TRAPPC9: variants seen among roughly 807,000 people sequenced by gnomAD.
TRAPPC9 encodes the protein trafficking protein particle complex subunit 9, also known as IKK2 binding protein.
TRAPPC9 carries 83 observed loss-of-function variants against 124.0 expected under a neutral mutation model. The ratio of observed to expected loss-of-function variants is 0.67; its 90% CI spans 0.56 to 0.80. The LOEUF (loss-of-function observed/expected upper bound fraction) is 0.80. TRAPPC9 is among the 30% of genes least tolerant of loss of function. TRAPPC9 has a pLI of 0.00. For synonymous variants in TRAPPC9, 638 were observed against 617.5 expected (o/e 1.03, Z -0.49); for missense variants, 1,302 against 1,508.3 (o/e 0.86, Z 2.27).
intron 16 of TRAPPC9, among the ~76,000 whole-genome samples, chr8:140,246,339 G>A (rs903660019): frequency 6.6e-6 from 1 of 152,216 alleles, no homozygotes. Flanking sequence ...GTGAGAAAGT[G>A]TGTTTCAAGA....
chr8:139,948,267 A>G (rs912662608), intron 19 of TRAPPC9, among the ~76,000 whole-genome samples: 44 of 149,040 alleles, frequency 3.0e-4, no homozygotes, highest in African/African-American at 1.0e-3. Flanking sequence ...ACACACACAC[A>G]CACACACACA....
chr8:140,267,508 A>T (rs76010573), intron 15 of TRAPPC9, among the ~76,000 whole-genome samples: 1,612 of 152,350 alleles, frequency 0.011, 29 homozygotes, highest in African/African-American at 0.037. Context: ...GCTGCTAAGG[A>T]TGCAGCAGTG....
intron 17 of TRAPPC9, among the ~76,000 whole-genome samples, chr8:140,088,325 T>C (rs1844335813): frequency 6.6e-6 from 1 of 152,176 alleles, no homozygotes; most frequent in Non-Finnish European, 1.5e-5. Context: ...ATGCAAGAAA[T>C]GTGAAAATCT....
chr8:140,452,581 GCCATAA>G (rs1458794484), intron 1 of TRAPPC9, among the ~76,000 whole-genome samples: 2 of 152,070 alleles, frequency 1.3e-5, no homozygotes, highest in Non-Finnish European at 2.9e-5. Flanking sequence ...TGGGAGAGTT[GCCATAA>G]CCTCTCTGAG....
At chr8:140,415,072 A>C (rs541204454) in intron 5 of TRAPPC9, among the ~76,000 whole-genome samples, 163 of 152,160 alleles carry the variant, frequency 1.1e-3, no homozygotes, top group African/African-American at 3.7e-3. Context: ...TTAGCTGGGT[A>C]TGATGTCATG....
intron 9 of TRAPPC9, among the ~76,000 whole-genome samples, chr8:140,324,779 T>C (rs1039933937): frequency 1.3e-5 from 2 of 152,098 alleles, no homozygotes; most frequent in African/African-American, 4.8e-5. Context: ...CAAAAATAAA[T>C]AAGTGAAATT....
intron 17 of TRAPPC9, among the ~76,000 whole-genome samples, chr8:140,199,907 G>A (rs958240834): frequency 1.3e-5 from 2 of 151,976 alleles, no homozygotes; most frequent in East Asian, 1.9e-4. Flanking sequence ...AAGATAAAAG[G>A]AACTGCATAC....
intron 4 of TRAPPC9, among the ~76,000 whole-genome samples, chr8:140,431,630 G>A (rs533198030): frequency 6.6e-6 from 1 of 152,166 alleles, no homozygotes; most frequent in East Asian, 1.9e-4. Flanking sequence ...TGACTGCCAC[G>A]CTAAACATTT....
chr8:140,375,838 G>A (rs893503134), intron 7 of TRAPPC9, among the ~76,000 whole-genome samples: 1 of 152,200 alleles, frequency 6.6e-6, no homozygotes, highest in South Asian at 2.1e-4. Context: ...AGTGACAGAT[G>A]TGTAGGGGCA....
chr8:139,898,888 G>A (rs1280606684), intron 20 of TRAPPC9, among the ~76,000 whole-genome samples: 4 of 152,090 alleles, frequency 2.6e-5, no homozygotes, highest in Non-Finnish European at 5.9e-5. Flanking sequence ...GGGAGGCTGA[G>A]GTGGGCGGAT....
At chr8:139,736,546 G>C (rs1225549601) in intron 21 of TRAPPC9, among the ~76,000 whole-genome samples, 1 of 152,192 alleles carries the variant, frequency 6.6e-6, no homozygotes, top group African/African-American at 2.4e-5. Flanking sequence ...ACCTTCCTAT[G>C]ACGGGGCAGA....
At chr8:139,809,988 C>T (rs1108526) in intron 21 of TRAPPC9, among the ~76,000 whole-genome samples, 4,575 of 152,256 alleles carry the variant, frequency 0.03, 162 homozygotes, top group East Asian at 0.12. Flanking sequence ...TGCACATCTG[C>T]CTGATGCTAA....
chr8:140,292,833 A>G (rs2065699172), intron 11 of TRAPPC9, among the ~76,000 whole-genome samples: 1 of 147,348 alleles, frequency 6.8e-6, no homozygotes, highest in Non-Finnish European at 1.5e-5. Context: ...AAACACCAAA[A>G]GCAATGGCAA....
At chr8:140,445,345 G>A (rs1588370895) in intron 2 of TRAPPC9, among the ~76,000 whole-genome samples, 2 of 152,336 alleles carry the variant, frequency 1.3e-5, no homozygotes, top group East Asian at 3.9e-4. Context: ...GAGGTCACCT[G>A]CTAATGAGGG....
In TRAPPC9 at chr8:140,440,499, TC is replaced by T. The variant is rs535355900; in HGVS notation, c.585-1303del. ...TCCAGCCTGGGGGACAGGGTGAGAC[TC>T]CCAAAAAAAAAAGAAAAGAAAAGAA... On this transcript the variant is annotated intron_variant, in intron 2 of 22. Transcript: ENST00000438773. Among the ~76,000 whole-genome samples, 33 of 149,794 alleles carry T rather than the reference TC, an allele frequency of 2.2e-4. No individual in the cohort carries two copies. The South Asian group carries it at 2.3e-3, about 11-fold the overall frequency.
chr8:140,377,574 C>T (rs1325241846), intron 7 of TRAPPC9, among the ~76,000 whole-genome samples: 2 of 152,204 alleles, frequency 1.3e-5, no homozygotes, highest in Non-Finnish European at 2.9e-5. Context: ...GGATTACAGG[C>T]ATGAGCCACT....
intron 21 of TRAPPC9, among the ~76,000 whole-genome samples, chr8:139,813,199 C>A (rs1824564375): frequency 6.6e-6 from 1 of 152,224 alleles, no homozygotes; most frequent in Non-Finnish European, 1.5e-5. Context: ...TAGGCCCACT[C>A]TGATGAGGTC....
rs1554419388 is a variant in TRAPPC9, at chr8:139,971,746, T to TACACAC, written c.2810+16979_2810+16980insGTGTGT. Among the ~76,000 whole-genome samples the TACACAC allele has an allele frequency of 1.5e-3, 24 of 15,690 alleles. 1 individual carries two copies. Among genetic ancestry groups the TACACAC allele is most frequent in the South Asian group, 4.9e-3 (2 of 412 alleles). 10.3% of individuals were successfully genotyped at this position (15,690 alleles called of 152,430 possible). A position where few individuals can be genotyped will look rare whatever the true frequency, so the allele number is the denominator to read the frequency against. ...ATACACACACACACACACATATATA[T>TACACAC]ATACACACACACACACACATATATA... On this transcript the variant is annotated intron_variant, in intron 19 of 22. Coordinates refer to ENST00000438773, the MANE Select transcript of TRAPPC9 (RefSeq NM_001160372.4).
chr8:140,283,825 A>T, intron 14 of TRAPPC9, 64 bp downstream of exon 14: 6 of 1,604,636 alleles, frequency 3.7e-6, no homozygotes, highest in Non-Finnish European at 4.3e-6. Flanking sequence ...TAAAAAAAAA[A>T]AAAATGTAGG....
Sources: allele counts gnomAD v4.1 joint callset (sites outside exome capture counted in the v4.1 genomes callset), GRCh38; gene constraint gnomAD v4.1.1; transcripts MANE v1.5; gene names NCBI Gene and HGNC (gene_info 2026-07-23, HGNC 2026-07-21).